Variants in EYA4 observed in about 807,000 individuals in gnomAD.
The protein encoded by EYA4 is protein phosphatase EYA4.
In EYA4, 31 loss-of-function variants were observed where a neutral mutation model predicts 87.9. The ratio of observed to expected loss-of-function variants is 0.35; its 90% CI spans 0.27 to 0.48. The LOEUF is 0.48. Among genes scored for constraint, EYA4 ranks in the 20% least tolerant of loss-of-function variants. The pLI is 0.99. For missense variants in EYA4, 678 were observed against 761.4 expected, an observed-to-expected ratio of 0.89 and a Z score of 1.29; for synonymous variants, 263 against 270.6, an observed-to-expected ratio of 0.97 and a Z score of 0.28.
At position 133,461,122 on chromosome 6, in the gene EYA4, A is replaced by G. The variant is rs141340245; in HGVS notation, c.379A>G (p.Ser127Gly). Residue 127 changes from serine (S) to glycine (G), a missense_variant, in exon 7 of 20, where the codon AGT (serine) becomes GGT (glycine). Transcript: ENST00000355286. ...LDTFTGSVITSSGYSPRSAHQ... is the reference protein window; with the variant it reads ...LDTFTGSVITGSGYSPRSAHQ... ...ATTTTTGTGTCTTACAGTAATTACA[A>G]GTAGTGGCTACAGCCCCAGATCAGC... The G allele has an allele frequency of 5.6e-6, 9 of 1,612,084 alleles. No homozygotes were observed. The South Asian group carries it at 8.8e-5, about 16-fold the overall frequency.
intron 2 of EYA4, among the ~76,000 whole-genome samples, chr6:133,370,436 G>A (rs1380655663): frequency 6.6e-6 from 1 of 152,136 alleles, no homozygotes; most frequent in Admixed American, 6.5e-5. Flanking sequence ...TTTAGTACAA[G>A]GATGATAGAA....
At position 133,530,001 on chromosome 6, in the gene EYA4, A is replaced by G; in HGVS notation, c.*1196A>G. 1.0e-6 allele frequency: 1 copy of G among 985,456 alleles called. No homozygotes were observed. The highest frequency in any genetic ancestry group is 1.2e-6 in the Non-Finnish European group (1 of 829,928). The allele number at this position is 985,456 out of a possible 1,614,324, so 61.0% of individuals were successfully genotyped here. The stretch of plus-strand genomic sequence containing the variant: ...TCACATTGAGTGCACAGGGCTTAAA[A>G]TAAAGCTAAGTATGTTTATTCCCAA... On this transcript the variant is annotated 3_prime_UTR_variant, in exon 20 of 20. Coordinates refer to ENST00000355286, the MANE Select transcript of EYA4 (RefSeq NM_004100.5).
chr6:133,262,500 C>A (rs1392082444), intron 1 of EYA4, among the ~76,000 whole-genome samples: 1 of 152,232 alleles, frequency 6.6e-6, no homozygotes, highest in Non-Finnish European at 1.5e-5. Flanking sequence ...CTCCCTGGGA[C>A]AATTCACTCA....
intron 2 of EYA4, among the ~76,000 whole-genome samples, chr6:133,326,113 C>T (rs1438822177): frequency 1.3e-5 from 2 of 152,204 alleles, no homozygotes; most frequent in Non-Finnish European, 2.9e-5. Flanking sequence ...GCCCTTCTTT[C>T]CTGTTCCTCA....
intron 2 of EYA4, among the ~76,000 whole-genome samples, chr6:133,316,136 C>T (rs1159328164): frequency 6.6e-6 from 1 of 152,164 alleles, no homozygotes; most frequent in Non-Finnish European, 1.5e-5. Flanking sequence ...CTAATTCTCA[C>T]TTCAGTAAGC....
chr6:133,511,376 A>T (rs1448152467), intron 14 of EYA4, among the ~76,000 whole-genome samples: 1 of 152,090 alleles, frequency 6.6e-6, no homozygotes, highest in Non-Finnish European at 1.5e-5. Context: ...AGAAGCTGTA[A>T]GTATGAGTAA....
At chr6:133,295,350 G>T (rs1778867911) in intron 2 of EYA4, among the ~76,000 whole-genome samples, 1 of 152,174 alleles carries the variant, frequency 6.6e-6, no homozygotes, top group Non-Finnish European at 1.5e-5. Flanking sequence ...ATTTCATTTA[G>T]CCTTACTAGG....
At chr6:133,315,074 C>T (rs566239022) in intron 2 of EYA4, among the ~76,000 whole-genome samples, 2 of 152,214 alleles carry the variant, frequency 1.3e-5, no homozygotes, top group Non-Finnish European at 2.9e-5. Flanking sequence ...AGGGGAAATT[C>T]ACCCGCATGG....
chr6:133,513,884 C>T (rs1016112338), intron 16 of EYA4, among the ~76,000 whole-genome samples: 12 of 152,018 alleles, frequency 7.9e-5, no homozygotes, highest in Non-Finnish European at 1.5e-4. Flanking sequence ...ACTAAATATA[C>T]ATGTGCATAC....
chr6:133,479,440 T>C (rs966722110), intron 11 of EYA4, among the ~76,000 whole-genome samples: 2 of 152,212 alleles, frequency 1.3e-5, no homozygotes, highest in African/African-American at 2.4e-5. Context: ...TGTGCTGACA[T>C]GCACAGTGTT....
At chr6:133,420,817 A>G (rs3777846) in intron 3 of EYA4, among the ~76,000 whole-genome samples, 5,396 of 152,286 alleles carry the variant, frequency 0.035, 271 homozygotes, top group African/African-American at 0.1. Context: ...TTGTCATGGT[A>G]TGAGCCCAGG....
At chr6:133,340,542 A>C (rs903836498) in intron 2 of EYA4, among the ~76,000 whole-genome samples, 1 of 152,204 alleles carries the variant, frequency 6.6e-6, no homozygotes, top group Non-Finnish European at 1.5e-5. Flanking sequence ...TTATACAGAG[A>C]CTTCATAGAC....
chr6:133,350,527 G>T (rs987881946), intron 2 of EYA4, among the ~76,000 whole-genome samples: 14 of 152,154 alleles, frequency 9.2e-5, no homozygotes, highest in Admixed American at 3.3e-4. Flanking sequence ...AGACAATGGG[G>T]ATATGAGATG....
At chr6:133,518,328 G>A (rs1372253133) in intron 17 of EYA4, among the ~76,000 whole-genome samples, 1 of 152,010 alleles carries the variant, frequency 6.6e-6, no homozygotes, top group Non-Finnish European at 1.5e-5. Context: ...GATATAACAA[G>A]GAAGGGAGGA....
At chr6:133,502,194 C>T (rs1798188105) in intron 13 of EYA4, 1 of 152,060 alleles carries the variant, frequency 6.6e-6, no homozygotes, top group Non-Finnish European at 1.5e-5. Context: ...GTTGTAGACA[C>T]TTTGAACCTT....
At chr6:133,461,447 T>G (rs1794375826) in intron 7 of EYA4, among the ~76,000 whole-genome samples, 1 of 152,160 alleles carries the variant, frequency 6.6e-6, no homozygotes, top group Admixed American at 6.6e-5. Context: ...AGAGATTACA[T>G]TTTATCTAAA....
At chr6:133,413,028 T>C (rs1332405466) in intron 3 of EYA4, among the ~76,000 whole-genome samples, 1 of 152,174 alleles carries the variant, frequency 6.6e-6, no homozygotes. Context: ...AGAATTATGG[T>C]TGGGGGCCCA....
intron 3 of EYA4, among the ~76,000 whole-genome samples, chr6:133,383,452 A>G (rs556155692): frequency 3.2e-5 from 4 of 126,198 alleles, no homozygotes; most frequent in Non-Finnish European, 4.7e-5. Flanking sequence ...TGGGAGGCGG[A>G]GGTTGCAGTG....
chr6:133,358,007 C>T (rs563933267), intron 2 of EYA4, among the ~76,000 whole-genome samples: 2 of 152,088 alleles, frequency 1.3e-5, no homozygotes, highest in South Asian at 2.1e-4. Context: ...AGTCTTGCTA[C>T]GGTATAATAT....
Sources: gnomAD v4.1 joint callset for allele counts (sites outside exome capture counted in the v4.1 genomes callset) on GRCh38, gnomAD v4.1.1 for gene constraint, MANE v1.5 for transcripts, NCBI Gene and HGNC (gene_info 2026-07-23, HGNC 2026-07-21) for gene names.